The following CIITA variants were observed in gnomAD, a reference collection of about 807,000 sequenced individuals.
CIITA encodes the protein MHC class II transactivator.
Under a neutral mutation model 115.1 loss-of-function variants are expected in CIITA, and 72 were observed. That is an observed-to-expected ratio of 0.63 (90% CI 0.52 to 0.76). The LOEUF (loss-of-function observed/expected upper bound fraction) is 0.76, where lower values mean the gene tolerates loss of function less well. Among genes scored for constraint, CIITA ranks in the 30% least tolerant of loss-of-function variants. The pLI is 0.00. For synonymous variants in CIITA, 763 were observed against 635.6 expected (o/e 1.20, Z -3.02); for missense variants, 1,617 against 1,463.8 (o/e 1.10, Z -1.71).
At chr16:10,877,660 T>G (rs1347557802) in intron 1 of CIITA, among the ~76,000 whole-genome samples, 1 of 152,118 alleles carries the variant, frequency 6.6e-6, no homozygotes, top group Non-Finnish European at 1.5e-5. Flanking sequence ...TCACTAACTC[T>G]CAGCATGCTG....
chr16:10,883,764 C>T (rs1328155795), intron 1 of CIITA, among the ~76,000 whole-genome samples: 2 of 152,078 alleles, frequency 1.3e-5, no homozygotes, highest in African/African-American at 2.4e-5. Context: ...AGGGAACACC[C>T]GAAGGAAAAG....
chr16:10,932,666 CAAA>C lies in CIITA; in HGVS notation c.*8816_*8818del, dbSNP rs796631325. 2.1e-5 allele frequency: 3 copies of C among 143,972 alleles called. No individual in the cohort carries two copies. The highest frequency in any genetic ancestry group is 7.8e-5 in the African/African-American group (3 of 38,540). The allele number at this position is 143,972 out of a possible 1,614,324, so 8.9% of individuals were successfully genotyped here. On this transcript the variant is annotated 3_prime_UTR_variant, in exon 20 of 20. Transcript: ENST00000324288. ...TAAAACAAAATCACACACACACACA[CAAA>C]AAAACACAAACCAAAAAAAAAATTC...
In CIITA at chr16:10,901,449, C is replaced by A; in HGVS notation, c.437-65C>A. 6.4e-7 allele frequency: 1 copy of A among 1,572,184 alleles called. No individual in the cohort carries two copies. The highest frequency in any genetic ancestry group is 8.8e-7 in the Non-Finnish European group (1 of 1,142,650). ...TTAAGGCCGTATAGCCTGCTAGAGT[C>A]CTGAGCCCCTTCTGGCTTGGGACAT... On this transcript the variant is annotated intron_variant, in intron 5 of 19. Coordinates refer to ENST00000324288, the MANE Select transcript of CIITA (RefSeq NM_000246.4). The surrounding 1 kb of genome is among the most constrained non-coding windows in gnomAD (Gnocchi z 6.8).
At chr16:10,918,595 G>A (rs986637745) in intron 16 of CIITA, 69 bp downstream of exon 16, 4 of 1,390,218 alleles carry the variant, frequency 2.9e-6, no homozygotes, top group South Asian at 1.2e-5. Context: ...AACCCACATC[G>A]TGCTGGCTGC....
Position 10,935,359 on chromosome 16 carries a change from G to C in CIITA, c.*11504G>C, listed in dbSNP as rs938292159. On this transcript the variant is annotated 3_prime_UTR_variant, in exon 20 of 20. Coordinates refer to ENST00000324288, the MANE Select transcript of CIITA (RefSeq NM_000246.4). Reference sequence around the variant, plus strand: ...CTGGTATATCTTATGTTTATCACCCGACAGTTGTTAATCTCTTTTTAACAA... The same window carrying C: ...CTGGTATATCTTATGTTTATCACCCCACAGTTGTTAATCTCTTTTTAACAA... The C allele has an allele frequency of 6.6e-6, 1 of 152,182 alleles. No homozygotes were observed. The highest frequency in any genetic ancestry group is 1.5e-5 in the Non-Finnish European group (1 of 68,032). 9.4% of individuals were successfully genotyped at this position (152,182 alleles called of 1,614,324 possible).
chr16:10,916,208 T>G (rs1275551900), intron 14 of CIITA, among the ~76,000 whole-genome samples, 159 bp from the exon 15 acceptor site: 2 of 152,170 alleles, frequency 1.3e-5, no homozygotes, highest in Non-Finnish European at 2.9e-5. Context: ...GATGAAGTCC[T>G]CGTCTGAAAA....
At chr16:10,891,801 GAAAA>G (rs1435737961) in intron 1 of CIITA, among the ~76,000 whole-genome samples, 1 of 152,212 alleles carries the variant, frequency 6.6e-6, no homozygotes, top group East Asian at 1.9e-4. Flanking sequence ...CCTGCTCCAG[GAAAA>G]GGGCGGTGGC....
At chr16:10,904,706 C>A (rs1281024492) in intron 9 of CIITA, 38 bp from the exon 10 acceptor site, 20 of 1,612,932 alleles carry the variant, frequency 1.2e-5, no homozygotes, top group Non-Finnish European at 1.7e-5. Flanking sequence ...CAGGGGTAAC[C>A]CTCACCCTAA....
At chr16:10,895,522 C>G (rs2038038415) in intron 2 of CIITA, 94 bp downstream of exon 2, 2 of 1,578,244 alleles carry the variant, frequency 1.3e-6, no homozygotes, top group Non-Finnish European at 1.7e-6. Context: ...CCCTGCCCTC[C>G]CGTCAGCACC....
At chr16:10,910,354 G>C in intron 13 of CIITA, 95 bp downstream of exon 13, 1 of 1,057,776 alleles carries the variant, frequency 9.5e-7, no homozygotes, top group Non-Finnish European at 1.4e-6. Context: ...TAGATCTCCA[G>C]AATCATTCTT....
chr16:10,885,299 C>T (rs950794477), intron 1 of CIITA, among the ~76,000 whole-genome samples: 3 of 152,320 alleles, frequency 2.0e-5, no homozygotes, highest in Non-Finnish European at 4.4e-5. Context: ...TCTCCTGACA[C>T]GAAGCTCATC....
intron 1 of CIITA, among the ~76,000 whole-genome samples, chr16:10,889,866 G>T (rs2037371812): frequency 1.3e-5 from 2 of 152,168 alleles, no homozygotes; most frequent in Admixed American, 6.5e-5. Flanking sequence ...CTTGGCTAAG[G>T]CATCACAGCC....
chr16:10,897,104 T>C (rs940375788), intron 3 of CIITA, among the ~76,000 whole-genome samples: 1 of 152,196 alleles, frequency 6.6e-6, no homozygotes, highest in African/African-American at 2.4e-5. Flanking sequence ...GGTGAGGCAG[T>C]GCGTTAGTCC....
intron 13 of CIITA, among the ~76,000 whole-genome samples, chr16:10,911,147 G>A (rs1019408279): frequency 2.6e-5 from 4 of 152,210 alleles, no homozygotes; most frequent in South Asian, 2.1e-4. Flanking sequence ...TGGGCCCCAA[G>A]AAAGCACAAT....
intron 1 of CIITA, among the ~76,000 whole-genome samples, chr16:10,895,077 T>A (rs1355724004): frequency 6.6e-6 from 1 of 152,176 alleles, no homozygotes; most frequent in East Asian, 1.9e-4. Flanking sequence ...CTCCTGGGTA[T>A]CTTCTCATAT....
chr16:10,883,785 A>C (rs1024491255), intron 1 of CIITA, among the ~76,000 whole-genome samples: 2 of 152,236 alleles, frequency 1.3e-5, no homozygotes, highest in African/African-American at 4.8e-5. Flanking sequence ...GGAAGAAAGC[A>C]GGGTTGGGAA....
chr16:10,890,021 G>A (rs2037390132), intron 1 of CIITA, among the ~76,000 whole-genome samples: 1 of 152,184 alleles, frequency 6.6e-6, no homozygotes, highest in South Asian at 2.1e-4. Flanking sequence ...TGGTGTGGAG[G>A]ATGGAGGCAG....
chr16:10,891,556 G>C (rs935584097), intron 1 of CIITA, among the ~76,000 whole-genome samples: 4 of 152,118 alleles, frequency 2.6e-5, no homozygotes, highest in African/African-American at 9.7e-5. Context: ...GGAGTTGCTA[G>C]GATCAGTCTG....
At chr16:10,912,380 C>T (rs2039642168) in intron 13 of CIITA, among the ~76,000 whole-genome samples, 1 of 152,216 alleles carries the variant, frequency 6.6e-6, no homozygotes. Flanking sequence ...TCCCAAAGTG[C>T]TGGGATTACA....
Sources: allele counts gnomAD v4.1 joint callset (sites outside exome capture counted in the v4.1 genomes callset), GRCh38; gene constraint gnomAD v4.1.1; non-coding constraint Gnocchi (gnomAD v3.1); transcripts MANE v1.5; gene names NCBI Gene and HGNC (gene_info 2026-07-23, HGNC 2026-07-21).